The following AIDA variants were observed in gnomAD, a reference collection of about 807,000 sequenced individuals.
AIDA encodes the protein axin interactor, dorsalization-associated protein.
AIDA carries 18 observed loss-of-function variants against 42.7 expected under a neutral mutation model. The ratio of observed to expected loss-of-function variants is 0.42; its 90% CI spans 0.29 to 0.63. AIDA has a LOEUF of 0.63. Ranked by LOEUF, AIDA falls within the 20% of genes least tolerant of loss-of-function variation. The pLI is 0.19. For synonymous variants in AIDA, 104 were observed against 122.9 expected (o/e 0.85, Z 1.02); for missense variants, 250 against 354.1 (o/e 0.71, Z 2.36).
intron 1 of AIDA, among the ~76,000 whole-genome samples, chr1:222,706,785 A>G (rs1180269154): frequency 6.7e-6 from 1 of 149,082 alleles, no homozygotes; most frequent in Non-Finnish European, 1.5e-5. Flanking sequence ...CACGAAAATC[A>G]TGGAGGTTGC....
chr1:222,678,156 T>C (rs1225560979), intron 6 of AIDA, among the ~76,000 whole-genome samples: 2 of 151,764 alleles, frequency 1.3e-5, no homozygotes, highest in East Asian at 1.9e-4. Context: ...ATATGTAAAG[T>C]TGAGTATCTT....
intron 4 of AIDA, among the ~76,000 whole-genome samples, chr1:222,690,975 A>C (rs1478774434): frequency 6.6e-6 from 1 of 152,208 alleles, no homozygotes; most frequent in Non-Finnish European, 1.5e-5. Flanking sequence ...TCAGACTCTC[A>C]TCAGAAAAAG....
chr1:222,692,955 G>C (rs143823918), intron 4 of AIDA, among the ~76,000 whole-genome samples: 113 of 152,272 alleles, frequency 7.4e-4, no homozygotes, highest in African/African-American at 2.6e-3. Flanking sequence ...AACCAACCTA[G>C]TCCAACATAC....
intron 6 of AIDA, 62 bp downstream of exon 6, chr1:222,686,868 T>A: frequency 6.4e-7 from 1 of 1,550,638 alleles, no homozygotes; most frequent in Middle Eastern, 2.3e-4. Flanking sequence ...CCAAAGAAAG[T>A]TTCAAACACC....
intron 1 of AIDA, chr1:222,711,882 C>T (rs1656063148): frequency 5.4e-5 from 15 of 279,198 alleles, no homozygotes; most frequent in South Asian, 3.1e-4. Flanking sequence ...AACTGACTGC[C>T]AAGTGGGGGA....
chr1:222,698,370 GAATT>G (rs1336300854), intron 2 of AIDA, among the ~76,000 whole-genome samples: 1 of 150,338 alleles, frequency 6.7e-6, no homozygotes, highest in Non-Finnish European at 1.5e-5. Flanking sequence ...CTAAAAAACA[GAATT>G]AATCGTCTTA....
intron 6 of AIDA, among the ~76,000 whole-genome samples, chr1:222,686,014 G>GC (rs1442278295): frequency 6.6e-6 from 1 of 152,176 alleles, no homozygotes; most frequent in African/African-American, 2.4e-5. Context: ...ACAAAAATTA[G>GC]CCGGGTGTGG....
rs1664391674 is a variant in AIDA, at chr1:222,668,847, A to T, written c.*1046T>A. On this transcript the variant is annotated 3_prime_UTR_variant, in exon 10 of 10. Transcript: ENST00000340020. ...TGCCCCATTAAGTCAAAAGTAAATT[A>T]TAGTAAGCTAATGACCTGCATATTT... is the stretch of plus-strand genomic sequence containing the variant. 1 of 149,400 alleles carries T rather than the reference A, an allele frequency of 6.7e-6. No individual in the cohort carries two copies. Among genetic ancestry groups the T allele is most frequent in the Non-Finnish European group, 1.5e-5 (1 of 67,330 alleles). 9.3% of individuals were successfully genotyped at this position (149,400 alleles called of 1,614,324 possible).
At chr1:222,681,821 C>T (rs1264992586) in intron 6 of AIDA, among the ~76,000 whole-genome samples, 1 of 152,160 alleles carries the variant, frequency 6.6e-6, no homozygotes, top group Non-Finnish European at 1.5e-5. Context: ...TGTGAATCCC[C>T]AGATGACCAC....
intron 2 of AIDA, among the ~76,000 whole-genome samples, chr1:222,697,682 G>A (rs74145534): frequency 0.03 from 4,625 of 152,142 alleles, 223 homozygotes; most frequent in African/African-American, 0.099. Flanking sequence ...AGAAATGGAC[G>A]ATTAAAGAGC....
intron 2 of AIDA, among the ~76,000 whole-genome samples, chr1:222,695,652 T>C (rs1655497977): frequency 1.3e-5 from 2 of 151,924 alleles, no homozygotes; most frequent in African/African-American, 4.9e-5. Flanking sequence ...GAGATTCATA[T>C]AAGAAACATA....
chr1:222,675,536 G>A (rs1664528881), intron 7 of AIDA, among the ~76,000 whole-genome samples: 1 of 152,136 alleles, frequency 6.6e-6, no homozygotes, highest in Admixed American at 6.5e-5. Context: ...TTCACTTGTT[G>A]AATGCTCCAT....
At chr1:222,695,303 C>T (rs1164069067) in intron 2 of AIDA, among the ~76,000 whole-genome samples, 5 of 152,170 alleles carry the variant, frequency 3.3e-5, no homozygotes, top group Admixed American at 6.5e-5. Context: ...ACCAGCCTGG[C>T]CAACATGGCG....
chr1:222,686,207 G>T (rs1298784237), intron 6 of AIDA, among the ~76,000 whole-genome samples: 1 of 152,190 alleles, frequency 6.6e-6, no homozygotes, highest in Non-Finnish European at 1.5e-5. Flanking sequence ...ACAGTCTACA[G>T]AAAAGAATTA....
At chr1:222,681,464 G>C (rs1257265645) in intron 6 of AIDA, among the ~76,000 whole-genome samples, 10 of 152,186 alleles carry the variant, frequency 6.6e-5, no homozygotes, top group African/African-American at 9.7e-5. Context: ...AGGAGTTTGA[G>C]ATCAGCCTGG....
chr1:222,676,051 T>C, intron 7 of AIDA, 45 bp downstream of exon 7: 1 of 1,529,522 alleles, frequency 6.5e-7, no homozygotes, highest in Non-Finnish European at 8.8e-7. Flanking sequence ...AGAAGCAACA[T>C]TATAAAATTC....
intron 8 of AIDA, among the ~76,000 whole-genome samples, chr1:222,670,976 TG>T (rs951298751): frequency 6.6e-6 from 1 of 152,100 alleles, no homozygotes; most frequent in Non-Finnish European, 1.5e-5. Flanking sequence ...CCCAGCACTT[TG>T]GGAGGCAGAG....
chr1:222,704,130 T>A (rs760880689), intron 1 of AIDA, among the ~76,000 whole-genome samples: 28 of 152,124 alleles, frequency 1.8e-4, no homozygotes, highest in Non-Finnish European at 3.5e-4. Context: ...TACAATTTTT[T>A]AAAAAATGGA....
rs777915607 is a variant in AIDA at position 222,670,143 on chromosome 1, C to T, written c.814G>A (p.Val272Ile). 38 of 1,613,642 alleles carry T rather than the reference C, an allele frequency of 2.4e-5. No homozygotes were observed. In the East Asian group the frequency reaches 2.5e-4, roughly 10 times the overall value. ...EMDEIKPGPIVIELYKKPTDF... is the reference protein window; with the variant it reads ...EMDEIKPGPIIIELYKKPTDF... ...ATGCACATCACTTACAGTTCTATTACAATTGGCCCAGGTTTAATTTCATCC... is the reference window on the plus strand; with the variant it reads ...ATGCACATCACTTACAGTTCTATTATAATTGGCCCAGGTTTAATTTCATCC... Residue 272 changes from valine to isoleucine, a missense_variant, in exon 9 of 10, where the codon GTA becomes ATA. Physicochemically the swap from Val to Ile is conservative, Grantham distance 29 (BLOSUM62 3). Around this residue, in one of 4 missense-constraint regions of AIDA, gnomAD observed 35 missense variants for 75.9 expected, o/e 0.46. Coordinates refer to ENST00000340020, the MANE Select transcript of AIDA (RefSeq NM_022831.4).
Sources: allele counts gnomAD v4.1 joint callset (sites outside exome capture counted in the v4.1 genomes callset), GRCh38; gene constraint gnomAD v4.1.1; regional missense constraint gnomAD v4.1.1; transcripts MANE v1.5; gene names NCBI Gene and HGNC (gene_info 2026-07-23, HGNC 2026-07-21).